Variants in SLC12A3 observed in about 807,000 individuals in gnomAD.
The protein encoded by SLC12A3 is Na-Cl cotransporter.
SLC12A3 carries 104 observed loss-of-function variants against 121.0 expected under a neutral mutation model. The observed-to-expected ratio is 0.86, with a 90% confidence interval of 0.73 to 1.01. The LOEUF (loss-of-function observed/expected upper bound fraction) is 1.01. Ranked by LOEUF, SLC12A3 falls within the 50% of genes least tolerant of loss-of-function variation. SLC12A3 has a pLI of 0.00. For missense variants in SLC12A3, 1,328 were observed against 1,356.3 expected, an observed-to-expected ratio of 0.98 and a Z score of 0.33; for synonymous variants, 536 against 533.4, an observed-to-expected ratio of 1.00 and a Z score of -0.07.
intron 3 of SLC12A3, among the ~76,000 whole-genome samples, chr16:56,869,332 C>T (rs544579627): frequency 6.6e-6 from 1 of 152,092 alleles, no homozygotes; most frequent in Admixed American, 6.6e-5. Flanking sequence ...TAGACAGAGA[C>T]CCATTTTTTT....
chr16:56,906,363 A>G (rs2055607801), intron 25 of SLC12A3, among the ~76,000 whole-genome samples: 1 of 152,240 alleles, frequency 6.6e-6, no homozygotes, highest in Non-Finnish European at 1.5e-5. Flanking sequence ...AATGGCTTCT[A>G]GCAGATGAGT....
At chr16:56,879,349 G>A (rs770219004) in intron 10 of SLC12A3, 122 bp downstream of exon 10, 86 of 1,343,700 alleles carry the variant, frequency 6.4e-5, no homozygotes, top group Non-Finnish European at 8.0e-5. Flanking sequence ...CTAGGCTTAG[G>A]AGAGAGGGGT....
Position 56,904,462 on chromosome 16 carries a change from T to G in SLC12A3, c.2924T>G (p.Ile975Ser). The G allele has an allele frequency of 6.2e-7, 1 of 1,613,518 alleles. No individual in the cohort carries two copies. Among genetic ancestry groups the G allele is most frequent in the Non-Finnish European group, 8.5e-7 (1 of 1,179,550 alleles). Residue 975 changes from isoleucine to serine, a missense_variant and splice_region_variant, in exon 25 of 26, where the codon ATC (isoleucine) becomes AGC (serine). Coordinates refer to ENST00000563236, the MANE Select transcript of SLC12A3 (RefSeq NM_001126108.2). ...DYSRDAALIV[I>S]TLPIGRKGKC... Reference sequence around the variant, plus strand: ...TCCCGAGACGCTGCTCTCATCGTCATGTAAGTAGTGCCCGGCTGGTGGGAG... The same window carrying G: ...TCCCGAGACGCTGCTCTCATCGTCAGGTAAGTAGTGCCCGGCTGGTGGGAG...
intron 6 of SLC12A3, among the ~76,000 whole-genome samples, chr16:56,871,082 G>T (rs184701537): frequency 1.3e-5 from 2 of 152,030 alleles, no homozygotes; most frequent in Non-Finnish European, 2.9e-5. Context: ...TGATCTGCCC[G>T]CCTTGGCCTC....
rs199573248 is a variant in SLC12A3 at position 56,893,393 on chromosome 16, T to TA, written c.2521+345dup. Among the ~76,000 whole-genome samples the TA allele has an allele frequency of 8.2e-3, 1,238 of 151,678 alleles. 16 individuals are homozygous for TA. Among genetic ancestry groups the TA allele is most frequent in the African/African-American group, 0.028 (1,156 of 41,188 alleles). ...CACAATGAAATATAACCTCTCCCAT[T>TA]AAAAAACAAAAAAAGTGACTTTAAG... On this transcript the variant is annotated intron_variant, in intron 21 of 25. Coordinates refer to ENST00000563236, the MANE Select transcript of SLC12A3 (RefSeq NM_001126108.2).
chr16:56,899,399 G>A, intron 22 of SLC12A3, 131 bp from the exon 23 acceptor site: 2 of 732,142 alleles, frequency 2.7e-6, no homozygotes, highest in Admixed American at 3.8e-5. Flanking sequence ...TGGGGCATGA[G>A]AATTGCTTGA....
rs931037801 is a variant in SLC12A3, at chr16:56,902,566, C to A, written c.2856+58C>A. 1.9e-6 allele frequency: 3 copies of A among 1,603,396 alleles called. No individual in the cohort carries two copies. The Admixed American group carries it at 5.0e-5, about 27-fold the overall frequency. On this transcript the variant is annotated intron_variant, in intron 24 of 25. Coordinates refer to ENST00000563236, the MANE Select transcript of SLC12A3 (RefSeq NM_001126108.2). The stretch of plus-strand genomic sequence containing the variant: ...ACATCACTGGGTCAGGGACGGGTGT[C>A]CTGCATGTCTTGAGCTCCCCCAGCC...
chr16:56,882,319 C>G (rs1194110392), intron 12 of SLC12A3, 77 bp from the exon 13 acceptor site: 122 of 1,246,692 alleles, frequency 9.8e-5, no homozygotes, highest in Non-Finnish European at 1.4e-4. Flanking sequence ...GTCCCCCACC[C>G]TGGGAAGGAG....
At chr16:56,866,977 T>G in intron 1 of SLC12A3, 93 bp from the exon 2 acceptor site, 3 of 1,546,878 alleles carry the variant, frequency 1.9e-6, no homozygotes, top group Non-Finnish European at 2.6e-6. Context: ...GGGTGCTCGG[T>G]ATGGGGCGCA....
rs867968800 is a variant in SLC12A3, at chr16:56,872,349, A to C, written c.853-2A>C. The stretch of plus-strand genomic sequence containing the variant: ...ACCTCTGGGGTCCTTCGCCCCCTCC[A>C]GGCCCAGGTGCTGTTCTTCCTTGTC... On this transcript the variant is annotated splice_acceptor_variant, in intron 6 of 25. Transcript: ENST00000563236. LOFTEE classifies it high-confidence loss of function. 1 of 1,611,774 alleles carries C rather than the reference A, an allele frequency of 6.2e-7. No individual in the cohort carries two copies. Among genetic ancestry groups the C allele is most frequent in the South Asian group, 1.1e-5 (1 of 91,054 alleles).
At chr16:56,871,043 C>T (rs2055089826) in intron 6 of SLC12A3, among the ~76,000 whole-genome samples, 1 of 152,124 alleles carries the variant, frequency 6.6e-6, no homozygotes, top group Non-Finnish European at 1.5e-5. Context: ...CCATGTTGGT[C>T]AGGCTGGTCT....
intron 3 of SLC12A3, among the ~76,000 whole-genome samples, chr16:56,869,409 C>T (rs954177336): frequency 4.6e-5 from 7 of 152,072 alleles, no homozygotes; most frequent in Non-Finnish European, 1.5e-5. Context: ...CTCACTGCAA[C>T]CTCCGCCTCC....
rs762888041 is a variant in SLC12A3, at chr16:56,879,554, G to A, written c.1348G>A (p.Val450Met). 2 of 1,613,530 alleles carry A rather than the reference G, an allele frequency of 1.2e-6. No individual in the cohort carries two copies. The highest frequency in any genetic ancestry group is 2.2e-5 in the South Asian group (2 of 91,080). ...CAAATCCCCACAGACCATGAGCATG[G>A]TGTCAGGCTTCGCGCCCCTGATCAC... ...LINYYQTMSM[V>M]SGFAPLITAG... The change falls in exon 11 of 26, where the codon GTG becomes ATG. Residue 450 changes from valine (V) to methionine (M), a missense_variant. By Grantham distance (21) the Val-to-Met change is conservative (BLOSUM62 1). Coordinates refer to ENST00000563236, the MANE Select transcript of SLC12A3 (RefSeq NM_001126108.2).
Position 56,892,927 on chromosome 16 carries a change from C to T in SLC12A3, c.2420-26C>T, listed in dbSNP as rs201076420. ...CCTGGATGCGCGGCTGCTGGCTCTG[C>T]TCTGACCCGCCCCCACCTCCTGCAG... On this transcript the variant is annotated intron_variant, in intron 20 of 25. Transcript: ENST00000563236. 1.9e-6 allele frequency: 3 copies of T among 1,601,582 alleles called. No individual in the cohort carries two copies. The African/African-American group carries it at 4.0e-5, about 21-fold the overall frequency.
chr16:56,870,531 G>A, intron 5 of SLC12A3, 95 bp from the exon 6 acceptor site: 1 of 872,094 alleles, frequency 1.1e-6, no homozygotes, highest in Non-Finnish European at 2.0e-6. Context: ...TCCTAGCAGA[G>A]TGCACCGCAC....
chr16:56,893,459 A>G (rs1194069436), intron 21 of SLC12A3, among the ~76,000 whole-genome samples: 2 of 152,368 alleles, frequency 1.3e-5, no homozygotes, highest in East Asian at 1.9e-4. Flanking sequence ...AGATAGAAAG[A>G]AAATGTCTTC....
chr16:56,905,997 C>T (rs1300378192), intron 25 of SLC12A3, among the ~76,000 whole-genome samples: 17 of 152,170 alleles, frequency 1.1e-4, no homozygotes, highest in Admixed American at 9.8e-4. Flanking sequence ...AAAAACCTAG[C>T]GCCACACACT....
chr16:56,882,649 T>A, intron 13 of SLC12A3, 152 bp downstream of exon 13: 1 of 706,854 alleles, frequency 1.4e-6, no homozygotes, highest in Non-Finnish European at 2.6e-6. Flanking sequence ...AATATAATAA[T>A]AGCAGCTCTC....
chr16:56,894,892 C>G (rs1297567892), intron 22 of SLC12A3, among the ~76,000 whole-genome samples: 3 of 151,524 alleles, frequency 2.0e-5, no homozygotes, highest in African/African-American at 7.3e-5. Context: ...GGCTTTGCTA[C>G]GACAGGGAGG....
Sources: gnomAD v4.1 joint callset for allele counts (sites outside exome capture counted in the v4.1 genomes callset) on GRCh38, gnomAD v4.1.1 for gene constraint, MANE v1.5 for transcripts, NCBI Gene and HGNC (gene_info 2026-07-23, HGNC 2026-07-21) for gene names.